PLEC: variants seen among roughly 807,000 people sequenced by gnomAD.
PLEC encodes the protein plectin, also known as hemidesmosomal protein 1.
PLEC carries 216 observed loss-of-function variants against 392.8 expected under a neutral mutation model. The ratio of observed to expected loss-of-function variants is 0.55; its 90% CI spans 0.49 to 0.62. PLEC has a LOEUF of 0.62. PLEC is among the 20% of genes least tolerant of loss of function. PLEC has a pLI of 0.00. For missense variants in PLEC, 6,863 were observed against 6,563.4 expected (o/e 1.05, Z -1.58); for synonymous variants, 3,621 against 2,980.6 (o/e 1.21, Z -7.00).
intron 23 of PLEC, 37 bp downstream of exon 23, chr8:143,929,609 G>T: frequency 6.2e-7 from 1 of 1,609,824 alleles, no homozygotes; most frequent in Non-Finnish European, 8.5e-7. Flanking sequence ...CGCCCACCTC[G>T]CACCAGCCCA....
chr8:143,935,869 T>C lies in PLEC; in HGVS notation c.581A>G (p.Asn194Ser), dbSNP rs1358786912. 6.2e-7 allele frequency: 1 copy of C among 1,612,808 alleles called. No homozygotes were observed. The highest frequency in any genetic ancestry group is 8.5e-7 in the Non-Finnish European group (1 of 1,179,960). Reference sequence around the variant, plus strand: ...GTACTTGTGCCGGTGGATGATGGCATTGAAGAGGCGGCCGTCTCTCCAGCT... The same window carrying C: ...GTACTTGTGCCGGTGGATGATGGCACTGAAGAGGCGGCCGTCTCTCCAGCT... ...TSSWRDGRLF[N>S]AIIHRHKPLL... Residue 194 changes from asparagine to serine, a missense_variant, in exon 6 of 32, where the codon AAT becomes AGT. Transcript: ENST00000345136.
In PLEC at chr8:143,927,926, C is replaced by A; in HGVS notation, c.3327G>T (p.Glu1109Asp). The change falls in exon 26 of 32, where the codon GAG becomes GAT. Residue 1109 changes from glutamate (E) to aspartate (D), a missense_variant. Glu to Asp is a conservative substitution (Grantham distance 45). Coordinates refer to ENST00000345136, the MANE Select transcript of PLEC (RefSeq NM_201384.3). ...QGAEEVLRAH[E>D]EQLKEAQAVP... is the part of the protein sequence containing the mutation. Reference sequence around the variant, plus strand: ...CGGCCTGGGCCTCCTTGAGCTGCTCCTCGTGGGCCCTGAGCACCTCCTCGG... The same window carrying A: ...CGGCCTGGGCCTCCTTGAGCTGCTCATCGTGGGCCCTGAGCACCTCCTCGG... The A allele has an allele frequency of 6.2e-7, 1 of 1,601,790 alleles. No individual in the cohort carries two copies.
chr8:143,959,095 T>C (rs925034917), intron 1 of PLEC, among the ~76,000 whole-genome samples: 4 of 152,176 alleles, frequency 2.6e-5, no homozygotes, highest in African/African-American at 9.6e-5. Flanking sequence ...ACCCTCCCAG[T>C]GTGAGGCGAG....
chr8:143,926,944 C>T (rs1554706252), intron 29 of PLEC, 33 bp downstream of exon 29: 8 of 1,605,778 alleles, frequency 5.0e-6, no homozygotes, highest in Non-Finnish European at 6.0e-6. Context: ...GGCCTGCCAG[C>T]CCCTCACCCA....
rs910217897 is a variant in PLEC at position 143,925,383 on chromosome 8, C to T, written c.4546G>A (p.Glu1516Lys). Residue 1516 changes from glutamate (E) to lysine (K), a missense_variant, in exon 31 of 32, where the codon GAG becomes AAG. Transcript: ENST00000345136. ...ESQRKRQAEV[E>K]LASRVKAEAE... ...TCGGCCTTCACGCGCGAGGCCAGCT[C>T]CACCTCCGCCTGCCGCTTACGCTGG... 1 of 1,575,652 alleles carries T rather than the reference C, an allele frequency of 6.3e-7. No individual in the cohort carries two copies. Among genetic ancestry groups the T allele is most frequent in the Non-Finnish European group, 8.6e-7 (1 of 1,168,346 alleles).
At chr8:143,931,852 C>T in intron 18 of PLEC, 85 bp downstream of exon 18, 1 of 1,433,604 alleles carries the variant, frequency 7.0e-7, no homozygotes, top group Non-Finnish European at 9.6e-7. Context: ...GACAGGAGGG[C>T]TCCTGATTGG....
chr8:143,949,824 C>T (rs977434725), intron 1 of PLEC, among the ~76,000 whole-genome samples: 5 of 152,156 alleles, frequency 3.3e-5, no homozygotes, highest in Non-Finnish European at 4.4e-5. Flanking sequence ...CGCACACCCC[C>T]ACCTCAGTGC....
rs201043674 is a variant in PLEC at position 143,917,170 on chromosome 8, C to A, written c.12651G>T (p.Ser4217=). 9.9e-6 allele frequency: 16 copies of A among 1,611,814 alleles called. No homozygotes were observed. Among genetic ancestry groups the A allele is most frequent in the Non-Finnish European group, 1.4e-5 (16 of 1,178,872 alleles). The change falls in exon 32 of 32, where the codon TCG becomes TCT. Residue 4217 remains serine, a synonymous_variant. Coordinates refer to ENST00000345136, the MANE Select transcript of PLEC (RefSeq NM_201384.3). ...TGCCGGCGCGGTACTGGTCCAGTGC[C>A]GAGCGGTCGATGAGGTTCTTGGCGA... is the stretch of plus-strand genomic sequence containing the variant. ...DAIAKNLIDR[S]ALDQYRAGTL...
At chr8:143,942,414 G>T, upstream of PLEC, 1 of 1,607,260 alleles carries the variant, frequency 6.2e-7, no homozygotes. Context: ...GCTGCTGGTA[G>T]AGGTAGCCCC....
upstream of PLEC, among the ~76,000 whole-genome samples, chr8:143,941,878 C>T (rs2132438156): frequency 6.6e-6 from 1 of 152,286 alleles, no homozygotes; most frequent in South Asian, 2.1e-4. Flanking sequence ...CCCTCGGCCG[C>T]CAGCCCAGGG....
At position 143,920,986 on chromosome 8, in the gene PLEC, G is replaced by A; in HGVS notation, c.8835C>T (p.Phe2945=). 2 of 1,613,122 alleles carry A rather than the reference G, an allele frequency of 1.2e-6. No homozygotes were observed. Among genetic ancestry groups the A allele is most frequent in the South Asian group, 1.1e-5 (1 of 91,088 alleles). The change falls in exon 32 of 32, where the codon TTC becomes TTT. Residue 2945 remains phenylalanine, a synonymous_variant. Coordinates refer to ENST00000345136, the MANE Select transcript of PLEC (RefSeq NM_201384.3). ...AEQRRDLLRQ[F]RTGRITVEKI... Reference sequence around the variant, plus strand: ...TCTCCACTGTGATCCGGCCCGTGCGGAACTGCCGCAGCAGGTCCCGCCGCT... The same window carrying A: ...TCTCCACTGTGATCCGGCCCGTGCGAAACTGCCGCAGCAGGTCCCGCCGCT...
chr8:143,932,252 G>A lies in PLEC; in HGVS notation c.1978-18C>T, dbSNP rs531512480. The A allele has an allele frequency of 2.5e-6, 4 of 1,611,556 alleles. No individual in the cohort carries two copies. Among genetic ancestry groups the A allele is most frequent in the East Asian group, 4.5e-5 (2 of 44,876 alleles). On this transcript the variant is annotated intron_variant, in intron 16 of 31. Coordinates refer to ENST00000345136, the MANE Select transcript of PLEC (RefSeq NM_201384.3). The stretch of plus-strand genomic sequence containing the variant: ...ATCAGCGCCTGGCACCAGAGCAAAG[G>A]GTCTCAGGGACGGCCGGCCACACCC...
intron 1 of PLEC, among the ~76,000 whole-genome samples, chr8:143,959,778 C>T (rs949521680): frequency 6.6e-6 from 1 of 151,960 alleles, no homozygotes; most frequent in Non-Finnish European, 1.5e-5. Context: ...GGGCAGATCA[C>T]GAGGTCAGGA....
chr8:143,939,603 G>A (rs1439184936), upstream of PLEC: 2 of 1,486,394 alleles, frequency 1.3e-6, no homozygotes, highest in East Asian at 2.5e-5. Context: ...GCCCCAGTCG[G>A]TGCGGCCACT....
chr8:143,941,411 G>T (rs1032732652), upstream of PLEC, among the ~76,000 whole-genome samples: 28 of 152,052 alleles, frequency 1.8e-4, no homozygotes, highest in Admixed American at 5.9e-4. Context: ...TGCCGCCCTG[G>T]GCCGGGCCAG....
chr8:143,934,989 GCCCTCCGGGCCCCCCA>G lies in PLEC; in HGVS notation c.825+6_825+21del. 1 of 1,611,554 alleles carries G rather than the reference GCCCTCCGGGCCCCCCA, an allele frequency of 6.2e-7. No individual in the cohort carries two copies. Among genetic ancestry groups the G allele is most frequent in the Non-Finnish European group, 8.5e-7 (1 of 1,179,410 alleles). On this transcript the variant is annotated splice_donor_region_variant and intron_variant, in intron 8 of 31. Coordinates refer to ENST00000345136, the MANE Select transcript of PLEC (RefSeq NM_201384.3). ...CGGGGCGTCCAGGCCCAAGCCCCCT[GCCCTCCGGGCCCCCCA>G]CTCACGTTGGCCCTCACCCCATCCT... is the stretch of plus-strand genomic sequence containing the variant.
At position 143,928,911 on chromosome 8, in the gene PLEC, C is replaced by T. The variant is rs960605196; in HGVS notation, c.3260+192G>A. On this transcript the variant is annotated intron_variant, in intron 25 of 31. Coordinates refer to ENST00000345136, the MANE Select transcript of PLEC (RefSeq NM_201384.3). ...CAGGAAGTCCCCCGGCCGCCACTGT[C>T]GAAGCGTATCCAGCCCTGAACTCTT... Among the ~76,000 whole-genome samples, 6 of 152,300 alleles carry T rather than the reference C, an allele frequency of 3.9e-5. No homozygotes were observed. In the South Asian group the frequency reaches 8.3e-4, roughly 21 times the overall value.
At position 143,920,930 on chromosome 8, in the gene PLEC, T is replaced by A; in HGVS notation, c.8891A>T (p.Glu2964Val). The change falls in exon 32 of 32, where the codon GAG (glutamate) becomes GTG (valine). Residue 2964 changes from glutamate to valine, a missense_variant. Coordinates refer to ENST00000345136, the MANE Select transcript of PLEC (RefSeq NM_201384.3). ...AAGCCGGCCCTTCTGCTCCTGCTCC[T>A]CCACCACCGTGATGATGATCTTGAT... Reference protein sequence around the residue: ...KIIKIIITVVEEQEQKGRLCF... With the variant: ...KIIKIIITVVVEQEQKGRLCF... 6.2e-7 allele frequency: 1 copy of A among 1,612,740 alleles called. No individual in the cohort carries two copies. Among genetic ancestry groups the A allele is most frequent in the Non-Finnish European group, 8.5e-7 (1 of 1,180,018 alleles).
intron 19 of PLEC, 80 bp downstream of exon 19, chr8:143,931,454 C>T (rs1315797687): frequency 3.3e-6 from 5 of 1,498,240 alleles, no homozygotes; most frequent in Admixed American, 2.0e-5. Context: ...TCCAGTTGCC[C>T]CCTAGTCTCC....
Sources: gnomAD v4.1 joint callset for allele counts (sites outside exome capture counted in the v4.1 genomes callset) on GRCh38, gnomAD v4.1.1 for gene constraint, MANE v1.5 for transcripts, NCBI Gene and HGNC (gene_info 2026-07-23, HGNC 2026-07-21) for gene names.